The following ROR1 variants were observed in gnomAD, a reference collection of about 807,000 sequenced individuals.
The protein encoded by ROR1 is ROR family WNT receptor 1.
Under a neutral mutation model 78.8 loss-of-function variants are expected in ROR1, and 19 were observed. The observed-to-expected ratio is 0.24, with a 90% CI of 0.17 to 0.35. ROR1 has a LOEUF of 0.35. Among genes scored for constraint, ROR1 ranks in the 10% least tolerant of loss-of-function variants. ROR1 has a pLI of 1.00. For synonymous variants in ROR1, 386 were observed against 433.6 expected (o/e 0.89, Z 1.36); for missense variants, 917 against 1,177.8 (o/e 0.78, Z 3.24).
intron 1 of ROR1, among the ~76,000 whole-genome samples, chr1:63,929,598 A>G (rs1168361444): frequency 2.6e-5 from 4 of 152,212 alleles, no homozygotes; most frequent in Non-Finnish European, 5.9e-5. Context: ...CATAGCTTCT[A>G]GTACTTGGGG....
At chr1:64,152,505 T>C (rs934293786) in intron 7 of ROR1, among the ~76,000 whole-genome samples, 3 of 152,226 alleles carry the variant, frequency 2.0e-5, no homozygotes, top group African/African-American at 7.2e-5. Context: ...CATCATGCTG[T>C]TGCTGGGTTC....
chr1:64,038,003 C>T (rs1029323312), intron 2 of ROR1, among the ~76,000 whole-genome samples: 1 of 152,114 alleles, frequency 6.6e-6, no homozygotes, highest in African/African-American at 2.4e-5. Flanking sequence ...AGGTTCACCC[C>T]CTCCTGAGCA....
intron 1 of ROR1, among the ~76,000 whole-genome samples, chr1:64,008,626 T>A (rs878926928): frequency 6.6e-6 from 1 of 152,086 alleles, no homozygotes; most frequent in African/African-American, 2.4e-5. Flanking sequence ...CAGCATCTGT[T>A]ATTTTTTGAC....
chr1:63,846,099 T>C (rs1243228459), intron 1 of ROR1, among the ~76,000 whole-genome samples: 1 of 150,970 alleles, frequency 6.6e-6, no homozygotes, highest in Non-Finnish European at 1.5e-5. Flanking sequence ...ATATTTTTTA[T>C]TTGACAGAGA....
At chr1:63,805,573 T>C (rs1475338320) in intron 1 of ROR1, among the ~76,000 whole-genome samples, 1 of 152,222 alleles carries the variant, frequency 6.6e-6, no homozygotes, top group African/African-American at 2.4e-5. Flanking sequence ...GATGCAGAAC[T>C]CTGTTCTTGT....
rs184051519 is a variant in ROR1, at chr1:64,143,351, T to C, written c.1174+701T>C. Reference sequence around the variant, plus strand: ...GCCCAGGCAACATAGTGAGACTCCATCTCTACCAAAAAAAAGAAAAAAAAA... The same window carrying C: ...GCCCAGGCAACATAGTGAGACTCCACCTCTACCAAAAAAAAGAAAAAAAAA... On this transcript the variant is annotated intron_variant, in intron 7 of 8. Coordinates refer to ENST00000371079, the MANE Select transcript of ROR1 (RefSeq NM_005012.4). 49 of 942,502 alleles carry C rather than the reference T, an allele frequency of 5.2e-5. 1 individual carries two copies. The East Asian group carries it at 5.7e-3, about 110-fold the overall frequency. 58.4% of individuals were successfully genotyped at this position (942,502 alleles called of 1,614,324 possible).
At chr1:64,081,809 C>CACAT (rs1647104878) in intron 4 of ROR1, among the ~76,000 whole-genome samples, 1 of 148,732 alleles carries the variant, frequency 6.7e-6, no homozygotes, top group Admixed American at 6.7e-5. Context: ...ACCCCCCACA[C>CACAT]ACATACACAA....
At chr1:64,099,244 A>G (rs1053560618) in intron 4 of ROR1, among the ~76,000 whole-genome samples, 1 of 152,300 alleles carries the variant, frequency 6.6e-6, no homozygotes, top group East Asian at 1.9e-4. Context: ...GGATCAGGCA[A>G]TTGAGCCTCA....
At chr1:63,930,045 C>T (rs186385063) in intron 1 of ROR1, among the ~76,000 whole-genome samples, 2 of 152,070 alleles carry the variant, frequency 1.3e-5, no homozygotes, top group Admixed American at 1.3e-4. Flanking sequence ...ATACACATGC[C>T]ATGGTTGTTT....
intron 4 of ROR1, among the ~76,000 whole-genome samples, chr1:64,128,821 G>A (rs1216979203): frequency 6.6e-6 from 1 of 152,102 alleles, no homozygotes; most frequent in East Asian, 1.9e-4. Flanking sequence ...GGAAGTGGCA[G>A]GGCATGAGGT....
intron 2 of ROR1, among the ~76,000 whole-genome samples, chr1:64,034,523 A>C (rs920880217): frequency 1.6e-4 from 24 of 152,230 alleles, no homozygotes; most frequent in Admixed American, 1.2e-3. Flanking sequence ...TGAATTATTG[A>C]GTCCCCCCTC....
intron 4 of ROR1, among the ~76,000 whole-genome samples, chr1:64,128,944 G>A (rs1648814771): frequency 6.6e-6 from 1 of 152,074 alleles, no homozygotes; most frequent in African/African-American, 2.4e-5. Context: ...GGAGGAACAG[G>A]ACAAATCTGT....
rs558003777 is a variant in ROR1 at position 63,876,646 on chromosome 1, G to T, written c.91+102138G>T. Among the ~76,000 whole-genome samples, 13 of 69,760 alleles carry T rather than the reference G, an allele frequency of 1.9e-4. No individual in the cohort carries two copies. In the East Asian group the frequency reaches 3.3e-3, roughly 18 times the overall value. The allele number at this position is 69,760 out of a possible 152,430, so 45.8% of individuals were successfully genotyped here. ...GTATGCATGTGTTTCCACGAAAGGG[G>T]TGTGTGTGTGTGTGTGTGTGTGTGT... is the stretch of plus-strand genomic sequence containing the variant. On this transcript the variant is annotated intron_variant, in intron 1 of 8. Transcript: ENST00000371079.
At chr1:63,991,856 A>C (rs1177572270) in intron 1 of ROR1, among the ~76,000 whole-genome samples, 1 of 152,214 alleles carries the variant, frequency 6.6e-6, no homozygotes, top group African/African-American at 2.4e-5. Context: ...TGTGGTTGTC[A>C]TGAAATGCAA....
intron 1 of ROR1, among the ~76,000 whole-genome samples, chr1:63,897,685 C>T (rs1244898292): frequency 6.6e-6 from 1 of 152,170 alleles, no homozygotes. Flanking sequence ...CTTTTGTTCA[C>T]TGATATATTC....
At chr1:63,843,657 A>G in intron 1 of ROR1, 1 of 581,566 alleles carries the variant, frequency 1.7e-6, no homozygotes, top group South Asian at 1.5e-5. Flanking sequence ...CATGTTCATG[A>G]CACCATCAGA....
chr1:63,855,613 G>T (rs188827912), intron 1 of ROR1, among the ~76,000 whole-genome samples: 2 of 150,208 alleles, frequency 1.3e-5, no homozygotes, highest in Non-Finnish European at 3.0e-5. Flanking sequence ...ATTTTTCATC[G>T]CATACATTGT....
chr1:64,092,268 G>A lies in ROR1; in HGVS notation c.482+41552G>A, dbSNP rs148923273. 6.3e-4 allele frequency among the ~76,000 whole-genome samples: 96 copies of A among 152,222 alleles called. No homozygotes were observed. In the East Asian group the frequency reaches 0.016, roughly 25 times the overall value. On this transcript the variant is annotated intron_variant, in intron 4 of 8. Coordinates refer to ENST00000371079, the MANE Select transcript of ROR1 (RefSeq NM_005012.4). ...ACTATGTGACTCCTAAGAGGTGACC[G>A]CAGGTGGTTTCAAAAATCTTCTGGG...
chr1:63,890,184 G>A (rs1217793340), intron 1 of ROR1, among the ~76,000 whole-genome samples: 1 of 151,924 alleles, frequency 6.6e-6, no homozygotes, highest in Non-Finnish European at 1.5e-5. Context: ...GCTTTTTAAT[G>A]TCCATACCAA....
Sources: gnomAD v4.1 joint callset for allele counts (sites outside exome capture counted in the v4.1 genomes callset) on GRCh38, gnomAD v4.1.1 for gene constraint, MANE v1.5 for transcripts, NCBI Gene and HGNC (gene_info 2026-07-23, HGNC 2026-07-21) for gene names.